BRCA2: variants seen among roughly 807,000 people sequenced by gnomAD.
BRCA2 encodes BRCA2 DNA repair associated.
A neutral mutation model predicts 276.7 loss-of-function variants in BRCA2; 203 were observed. That is an observed-to-expected ratio of 0.73 (90% CI 0.65 to 0.82). The LOEUF (loss-of-function observed/expected upper bound fraction) is 0.82, where lower values mean the gene tolerates loss of function less well. BRCA2 is among the 40% of genes least tolerant of loss of function. The pLI is 0.00. For synonymous variants in BRCA2, 1,289 were observed against 1,338.4 expected (o/e 0.96, Z 0.81); for missense variants, 3,920 against 3,915.0 (o/e 1.00, Z -0.03).
At chr13:32,384,328 C>G (rs756768904) in intron 24 of BRCA2, among the ~76,000 whole-genome samples, 2 of 152,004 alleles carry the variant, frequency 1.3e-5, no homozygotes, top group Non-Finnish European at 2.9e-5. Context: ...GGAGATCTTA[C>G]TGAGTTCCAG....
rs80359213 is a variant in BRCA2 at position 32,394,817 on chromosome 13, C to T, written c.9385C>T (p.Pro3129Ser). Reference sequence around the variant, plus strand: ...TGCTGCAAGCAACCTCCAGTGGCGACCAGAATCCAAATCAGGCCTTCTTAC... The same window carrying T: ...TGCTGCAAGCAACCTCCAGTGGCGATCAGAATCCAAATCAGGCCTTCTTAC... The part of the protein sequence containing the change: ...LIAASNLQWR[P>S]ESKSGLLTLF... Residue 3129 changes from proline (P) to serine (S), a missense_variant, in exon 25 of 27, where the codon CCA (proline) becomes TCA (serine). Physicochemically the swap from Pro to Ser is moderately conservative, Grantham distance 74 (BLOSUM62 -1). Around this residue, in one of 2 missense-constraint regions of BRCA2, gnomAD observed 657 missense variants for 758.2 expected, o/e 0.87. Transcript: ENST00000380152. The T allele has an allele frequency of 6.2e-7, 1 of 1,613,968 alleles. No homozygotes were observed. Among genetic ancestry groups the T allele is most frequent in the African/African-American group, 1.3e-5 (1 of 74,914 alleles).
chr13:32,329,591 A>T, intron 8 of BRCA2, 99 bp downstream of exon 8: 1 of 981,034 alleles, frequency 1.0e-6, no homozygotes, highest in Middle Eastern at 2.7e-4. Context: ...CCTAATCTGT[A>T]ATTTATCTAA....
chr13:32,354,868 A>C lies in BRCA2; in HGVS notation c.7015A>C (p.Lys2339Gln). The change falls in exon 14 of 27, where the codon AAG becomes CAG. Residue 2339 changes from lysine to glutamine, a missense_variant. Lys to Gln is a moderately conservative substitution (Grantham distance 53). This residue lies in a region of BRCA2 where 3,263 missense variants were observed against 3,156.9 expected (regional missense o/e 1.03). Transcript: ENST00000380152. ...ATTTTCTCCCCATTGCAGCACAACTAAGGAACGTCAAGAGATACAGAATCC... is the reference window on the plus strand; with the variant it reads ...ATTTTCTCCCCATTGCAGCACAACTCAGGAACGTCAAGAGATACAGAATCC... ...PITCVPFRTT[K>Q]ERQEIQNPNF... 2 of 1,579,630 alleles carry C rather than the reference A, an allele frequency of 1.3e-6. No individual in the cohort carries two copies. Among genetic ancestry groups the C allele is most frequent in the Non-Finnish European group, 1.7e-6 (2 of 1,148,674 alleles).
intron 7 of BRCA2, among the ~76,000 whole-genome samples, chr13:32,328,594 G>A (rs181984830): frequency 4.6e-5 from 7 of 152,016 alleles, no homozygotes; most frequent in African/African-American, 9.7e-5. Context: ...TTTGTGAGTC[G>A]TATATGCTCT....
intron 11 of BRCA2, among the ~76,000 whole-genome samples, chr13:32,342,745 C>A (rs2072581109): frequency 6.6e-6 from 1 of 152,058 alleles, no homozygotes; most frequent in South Asian, 2.1e-4. Flanking sequence ...AGTAAAAATA[C>A]GGTATTAAAA....
At chr13:32,316,641 T>C in intron 2 of BRCA2, 114 bp downstream of exon 2, 1 of 879,102 alleles carries the variant, frequency 1.1e-6, no homozygotes. Flanking sequence ...AACTGTTCCT[T>C]ATGTGTGTAT....
In BRCA2 at chr13:32,316,530, A is replaced by T. The variant is rs1593880835; in HGVS notation, c.67+3A>T. 6.2e-7 allele frequency: 1 copy of T among 1,612,730 alleles called. No individual in the cohort carries two copies. The highest frequency in any genetic ancestry group is 8.5e-7 in the Non-Finnish European group (1 of 1,178,798). On this transcript the variant is annotated splice_donor_region_variant and intron_variant, in intron 2 of 26. Coordinates refer to ENST00000380152, the MANE Select transcript of BRCA2 (RefSeq NM_000059.4). ...TAAGACACGCTGCAACAAAGCAGGT[A>T]TTGACAAATTTTATATAACTTTATA...
chr13:32,357,256 CAA>C (rs1481050330), intron 15 of BRCA2, among the ~76,000 whole-genome samples: 4 of 152,178 alleles, frequency 2.6e-5, no homozygotes, highest in East Asian at 1.9e-4. Context: ...GATTCCAAAG[CAA>C]AGAGTCTGAC....
intron 11 of BRCA2, among the ~76,000 whole-genome samples, 158 bp downstream of exon 11, chr13:32,341,354 C>T (rs2072568338): frequency 6.6e-6 from 1 of 152,068 alleles, no homozygotes; most frequent in Non-Finnish European, 1.5e-5. Context: ...TATACAGATA[C>T]ACAGATTCAG....
At chr13:32,382,572 G>A (rs146878459) in intron 24 of BRCA2, among the ~76,000 whole-genome samples, 269 of 152,290 alleles carry the variant, frequency 1.8e-3, no homozygotes, top group African/African-American at 6.1e-3. Flanking sequence ...CTTTAACACC[G>A]TGGAGGAGCA....
Position 32,337,235 on chromosome 13 carries a change from G to C in BRCA2, c.2880G>C (p.Lys960Asn), listed in dbSNP as rs55891436. Residue 960 changes from lysine to asparagine, a missense_variant, in exon 11 of 27, where the codon AAG becomes AAC. Physicochemically the swap from Lys to Asn is moderately conservative, Grantham distance 94. Coordinates refer to ENST00000380152, the MANE Select transcript of BRCA2 (RefSeq NM_000059.4). ...VLAEENKNSV[K>N]QHIKMTLGQD... is the part of the protein sequence containing the mutation. ...CAGAGGAGAACAAAAATAGTGTAAA[G>C]CAGCATATAAAAATGACTCTAGGTC... 1 of 1,612,262 alleles carries C rather than the reference G, an allele frequency of 6.2e-7. No individual in the cohort carries two copies. The highest frequency in any genetic ancestry group is 1.3e-5 in the African/African-American group (1 of 74,842).
At chr13:32,364,305 A>G (rs1016518601) in intron 18 of BRCA2, among the ~76,000 whole-genome samples, 1 of 151,932 alleles carries the variant, frequency 6.6e-6, no homozygotes, top group African/African-American at 2.4e-5. Flanking sequence ...ACATATAACC[A>G]AAAAAAAGCA....
rs1330187616 is a variant in BRCA2 at position 32,344,664 on chromosome 13, C to G, written c.6937+11C>G. On this transcript the variant is annotated intron_variant, in intron 12 of 26. Transcript: ENST00000380152. ...AAAGCACTCCAGATGGTAAAATTAGCTTTTTATTTATATCTGTTCTCCCTC... is the reference window on the plus strand; with the variant it reads ...AAAGCACTCCAGATGGTAAAATTAGGTTTTTATTTATATCTGTTCTCCCTC... 1 of 1,521,300 alleles carries G rather than the reference C, an allele frequency of 6.6e-7. No individual in the cohort carries two copies. Among genetic ancestry groups the G allele is most frequent in the South Asian group, 1.1e-5 (1 of 89,126 alleles). The allele number at this position is 1,521,300 out of a possible 1,614,324, so 94.2% of individuals were successfully genotyped here.
rs1057521297 is a variant in BRCA2, at chr13:32,354,939, G to A, written c.7086G>A (p.Leu2362=). The part of the protein sequence containing the change: ...PGQEFLSKSH[L]YEHLTLEKSS... Reference sequence around the variant, plus strand: ...AAGAATTTCTGTCTAAATCTCATTTGTATGAACATCTGACTTTGGAAAAAT... The same window carrying A: ...AAGAATTTCTGTCTAAATCTCATTTATATGAACATCTGACTTTGGAAAAAT... The change falls in exon 14 of 27, where the codon TTG becomes TTA. Residue 2362 remains leucine (L), a synonymous_variant. Coordinates refer to ENST00000380152, the MANE Select transcript of BRCA2 (RefSeq NM_000059.4). 1 of 1,613,764 alleles carries A rather than the reference G, an allele frequency of 6.2e-7. No homozygotes were observed. The highest frequency in any genetic ancestry group is 8.5e-7 in the Non-Finnish European group (1 of 1,179,880).
Position 32,360,419 on chromosome 13 carries a change from G to C in BRCA2, c.7806-2104G>C, listed in dbSNP as rs1206668925. 2.6e-5 allele frequency among the ~76,000 whole-genome samples: 4 copies of C among 152,274 alleles called. No individual in the cohort carries two copies. The East Asian group carries it at 7.7e-4, about 29-fold the overall frequency. On this transcript the variant is annotated intron_variant, in intron 16 of 26. Transcript: ENST00000380152. ...CTATTGCTCAGGCTGGAGTGCAGTGGTGCAATCTCGGCTCACTGCAGCCTC... is the reference window on the plus strand; with the variant it reads ...CTATTGCTCAGGCTGGAGTGCAGTGCTGCAATCTCGGCTCACTGCAGCCTC...
intron 18 of BRCA2, among the ~76,000 whole-genome samples, chr13:32,369,272 G>A (rs867408129): frequency 6.6e-6 from 1 of 151,808 alleles, no homozygotes; most frequent in Non-Finnish European, 1.5e-5. Flanking sequence ...TTTTTAGTAT[G>A]AGGGAGAGAC....
At chr13:32,348,378 C>T (rs1205294940) in intron 13 of BRCA2, among the ~76,000 whole-genome samples, 1 of 151,946 alleles carries the variant, frequency 6.6e-6, no homozygotes, top group African/African-American at 2.4e-5. Context: ...AAATGACCCA[C>T]AGTAAGGCAC....
chr13:32,353,090 A>G (rs1047411607), intron 13 of BRCA2, among the ~76,000 whole-genome samples: 1 of 152,246 alleles, frequency 6.6e-6, no homozygotes, highest in African/African-American at 2.4e-5. Context: ...TGAAGAAATC[A>G]TTCCAGCAAT....
chr13:32,338,616 T>C lies in BRCA2; in HGVS notation c.4261T>C (p.Phe1421Leu), dbSNP rs878853582. 9 of 1,596,982 alleles carry C rather than the reference T, an allele frequency of 5.6e-6. No individual in the cohort carries two copies. The highest frequency in any genetic ancestry group is 6.8e-6 in the Non-Finnish European group (8 of 1,169,506). Residue 1421 changes from phenylalanine to leucine, a missense_variant, in exon 11 of 27, where the codon TTT (phenylalanine) becomes CTT (leucine). Transcript: ENST00000380152. ...TAAAACGGAGCAAAATATAAAAGAT[T>C]TTGAGACTTCTGATACATTTTTTCA... ...ATKTEQNIKD[F>L]ETSDTFFQTA...
Sources: allele counts gnomAD v4.1 joint callset (sites outside exome capture counted in the v4.1 genomes callset), GRCh38; gene constraint gnomAD v4.1.1; regional missense constraint gnomAD v4.1.1; transcripts MANE v1.5; gene names NCBI Gene and HGNC (gene_info 2026-07-23, HGNC 2026-07-21).